Variants in SRGAP1 observed in about 807,000 individuals in gnomAD.
SRGAP1 encodes SLIT-ROBO Rho GTPase-activating protein 1.
Under a neutral mutation model 121.9 loss-of-function variants are expected in SRGAP1, and 43 were observed. The ratio of observed to expected loss-of-function variants is 0.35; its 90% CI spans 0.28 to 0.46. The LOEUF (loss-of-function observed/expected upper bound fraction) is 0.46. Ranked by LOEUF, SRGAP1 falls within the 20% of genes least tolerant of loss-of-function variation. SRGAP1 has a pLI of 1.00. For synonymous variants in SRGAP1, 447 were observed against 485.4 expected, an observed-to-expected ratio of 0.92 and a Z score of 1.04; for missense variants, 1,102 against 1,350.9, an observed-to-expected ratio of 0.82 and a Z score of 2.89.
intron 1 of SRGAP1, among the ~76,000 whole-genome samples, chr12:63,867,609 T>A (rs1899683062): frequency 6.6e-6 from 1 of 152,170 alleles, no homozygotes; most frequent in Admixed American, 6.5e-5. Flanking sequence ...ATCTATCTTA[T>A]AAGATTATTA....
intron 1 of SRGAP1, among the ~76,000 whole-genome samples, chr12:63,959,568 C>A (rs2032576097): frequency 6.6e-6 from 1 of 151,924 alleles, no homozygotes; most frequent in South Asian, 2.1e-4. Context: ...GATTTGAAAT[C>A]CCTACTTGTG....
At chr12:63,972,914 G>A (rs763036868) in intron 1 of SRGAP1, among the ~76,000 whole-genome samples, 5 of 151,940 alleles carry the variant, frequency 3.3e-5, no homozygotes, top group South Asian at 2.1e-4. Flanking sequence ...TTGGGAGGCC[G>A]AGGTGGGCAG....
chr12:63,914,757 C>A (rs1051858710), intron 1 of SRGAP1, among the ~76,000 whole-genome samples: 3 of 151,950 alleles, frequency 2.0e-5, no homozygotes, highest in Non-Finnish European at 4.4e-5. Context: ...AAAACCATTC[C>A]CTCTGATTCA....
At chr12:64,024,669 A>T (rs1342784614) in intron 4 of SRGAP1, among the ~76,000 whole-genome samples, 2 of 152,186 alleles carry the variant, frequency 1.3e-5, no homozygotes, top group African/African-American at 4.8e-5. Flanking sequence ...CAATGAAGAA[A>T]TACCTGAGAC....
intron 4 of SRGAP1, among the ~76,000 whole-genome samples, chr12:64,041,772 A>ATGTG (rs148785083): frequency 6.6e-6 from 1 of 150,992 alleles, no homozygotes; most frequent in East Asian, 1.9e-4. Flanking sequence ...ACATGTGTGT[A>ATGTG]TGTGTGTGTG....
intron 1 of SRGAP1, among the ~76,000 whole-genome samples, chr12:63,846,507 A>G (rs1044095972): frequency 6.6e-6 from 1 of 152,208 alleles, no homozygotes; most frequent in Non-Finnish European, 1.5e-5. Flanking sequence ...GTCACTTGCC[A>G]GTGATCAAGT....
intron 1 of SRGAP1, chr12:63,879,412 A>G (rs1456477612): frequency 6.6e-6 from 1 of 152,192 alleles, no homozygotes; most frequent in Non-Finnish European, 1.5e-5. Context: ...GTGAAGGCCT[A>G]ATTTTGTTCC....
Position 64,152,541 on chromosome 12 carries a change from T to TTGACCTCAGCC in SRGAP1, c.*9872_*9882dup. On this transcript the variant is annotated 3_prime_UTR_variant, in exon 22 of 22. Coordinates refer to ENST00000355086, the MANE Select transcript of SRGAP1 (RefSeq NM_020762.4). ...TGAAATGAATTCAATGTCTGCCGCT[T>TTGACCTCAGCC]TGACCTCAGCCTGCCATTTCAGCCT... The TTGACCTCAGCC allele has an allele frequency of 6.6e-6, 1 of 152,256 alleles. No homozygotes were observed. The highest frequency in any genetic ancestry group is 1.9e-4 in the East Asian group (1 of 5,196). The allele number at this position is 152,256 out of a possible 1,614,324, so 9.4% of individuals were successfully genotyped here.
At chr12:63,977,294 C>T (rs2033119941) in intron 1 of SRGAP1, among the ~76,000 whole-genome samples, 1 of 152,140 alleles carries the variant, frequency 6.6e-6, no homozygotes, top group Non-Finnish European at 1.5e-5. Flanking sequence ...GGTAATAATA[C>T]ATCTTAAGAG....
In SRGAP1 at chr12:64,145,490, A is replaced by G. The variant is rs1431624847; in HGVS notation, c.*2818A>G. On this transcript the variant is annotated 3_prime_UTR_variant, in exon 22 of 22. Transcript: ENST00000355086. ...CTTGTTTCAGGAAACAGCTCCTAATACTCTCCCATCACTCACTTTACCTGT... is the reference window on the plus strand; with the variant it reads ...CTTGTTTCAGGAAACAGCTCCTAATGCTCTCCCATCACTCACTTTACCTGT... 6.7e-6 allele frequency: 1 copy of G among 149,414 alleles called. No homozygotes were observed. Among genetic ancestry groups the G allele is most frequent in the African/African-American group, 2.5e-5 (1 of 40,472 alleles). The allele number at this position is 149,414 out of a possible 1,614,324, so 9.3% of individuals were successfully genotyped here.
At chr12:63,906,092 C>T (rs2030192154) in intron 1 of SRGAP1, among the ~76,000 whole-genome samples, 1 of 152,136 alleles carries the variant, frequency 6.6e-6, no homozygotes, top group African/African-American at 2.4e-5. Flanking sequence ...CTGCCTGTCT[C>T]TATAAATTTG....
chr12:63,904,805 C>T (rs549262100), intron 1 of SRGAP1, among the ~76,000 whole-genome samples: 1 of 152,202 alleles, frequency 6.6e-6, no homozygotes, highest in African/African-American at 2.4e-5. Flanking sequence ...CATAATGGTA[C>T]ATGCCTCTGG....
intron 1 of SRGAP1, among the ~76,000 whole-genome samples, chr12:63,895,809 TTGA>T (rs959308318): frequency 6.6e-6 from 1 of 152,222 alleles, no homozygotes; most frequent in Non-Finnish European, 1.5e-5. Flanking sequence ...ATATTAATAC[TTGA>T]TGATCTTTGC....
intron 1 of SRGAP1, among the ~76,000 whole-genome samples, chr12:63,919,523 C>CATATATATAT (rs1467516520): frequency 7.7e-6 from 1 of 129,358 alleles, no homozygotes; most frequent in African/African-American, 3.1e-5. Context: ...TATATATATA[C>CATATATATAT]ACATACACAC....
chr12:64,100,803 A>G (rs886655515), intron 15 of SRGAP1, among the ~76,000 whole-genome samples: 2 of 152,132 alleles, frequency 1.3e-5, no homozygotes, highest in Admixed American at 1.3e-4. Context: ...TTTCTTACCA[A>G]TGTGACCATA....
chr12:64,094,864 A>C, intron 12 of SRGAP1, 68 bp from the exon 13 acceptor site: 1 of 1,421,054 alleles, frequency 7.0e-7, no homozygotes, highest in Non-Finnish European at 9.9e-7. Flanking sequence ...GTTAAACTCT[A>C]AGCCTTATTA....
intron 1 of SRGAP1, among the ~76,000 whole-genome samples, chr12:63,956,122 G>A (rs1272438961): frequency 6.6e-6 from 1 of 152,032 alleles, no homozygotes; most frequent in African/African-American, 2.4e-5. Context: ...GTGCATTGGC[G>A]CAATCCCGAG....
chr12:64,102,877 A>G (rs1429916473), intron 15 of SRGAP1, among the ~76,000 whole-genome samples: 3 of 152,212 alleles, frequency 2.0e-5, no homozygotes, highest in Non-Finnish European at 4.4e-5. Flanking sequence ...AAAATGCTCT[A>G]AAATGATTGA....
chr12:63,888,209 G>C (rs1900455738), intron 1 of SRGAP1: 1 of 152,160 alleles, frequency 6.6e-6, no homozygotes, highest in Non-Finnish European at 1.5e-5. Flanking sequence ...CTTCTCCAAG[G>C]GGAGCTGCTA....
Sources: allele counts gnomAD v4.1 joint callset (sites outside exome capture counted in the v4.1 genomes callset), GRCh38; gene constraint gnomAD v4.1.1; transcripts MANE v1.5; gene names NCBI Gene and HGNC (gene_info 2026-07-23, HGNC 2026-07-21).